The following COA1 variants were observed in gnomAD, a reference collection of about 807,000 sequenced individuals.
COA1 encodes the protein cytochrome c oxidase assembly factor 1.
COA1 carries 13 observed loss-of-function variants against 16.0 expected under a neutral mutation model. The observed-to-expected ratio is 0.81, with a 90% CI of 0.53 to 1.29. The LOEUF (loss-of-function observed/expected upper bound fraction) is 1.29. Ranked by LOEUF, COA1 falls within the 50% of genes most tolerant of loss-of-function variation. COA1 has a pLI of 0.00. For missense variants in COA1, 179 were observed against 177.0 expected (o/e 1.01, Z -0.06); for synonymous variants, 65 against 65.7 (o/e 0.99, Z 0.05).
intron 1 of COA1, among the ~76,000 whole-genome samples, chr7:43,655,805 T>C (rs929103509): frequency 6.6e-6 from 1 of 152,196 alleles, no homozygotes. Context: ...AGAATTGATG[T>C]TGGAACTGTT....
intron 6 of COA1, among the ~76,000 whole-genome samples, chr7:43,614,151 C>T (rs2083130263): frequency 6.6e-6 from 1 of 152,184 alleles, no homozygotes; most frequent in African/African-American, 2.4e-5. Context: ...TTACAATGAT[C>T]TTAGCCGCCA....
At chr7:43,656,668 C>T (rs979832465) in intron 1 of COA1, among the ~76,000 whole-genome samples, 1 of 152,182 alleles carries the variant, frequency 6.6e-6, no homozygotes, top group African/African-American at 2.4e-5. Flanking sequence ...TGCACTCCAG[C>T]ATGGCTACAG....
intron 6 of COA1, among the ~76,000 whole-genome samples, chr7:43,610,434 G>C (rs1368130483): frequency 1.3e-5 from 2 of 150,626 alleles, no homozygotes; most frequent in African/African-American, 4.9e-5. Context: ...GGGAGGCCGA[G>C]CCAGGCAGAT....
intron 1 of COA1, among the ~76,000 whole-genome samples, chr7:43,670,214 C>T (rs756038048): frequency 6.6e-6 from 1 of 152,022 alleles, no homozygotes; most frequent in African/African-American, 2.4e-5. Context: ...TTTGGGAGGC[C>T]GAGGCAGAAG....
rs147938249 is a variant in COA1, at chr7:43,645,341, G to A, written c.174C>T (p.Pro58=). 4.2e-5 allele frequency: 68 copies of A among 1,613,754 alleles called. No homozygotes were observed. Among genetic ancestry groups the A allele is most frequent in the Middle Eastern group, 1.6e-4 (1 of 6,084 alleles). ...KLAVEQLQSH[P]EAQEALGPPL... is the part of the protein sequence containing the mutation. Reference sequence around the variant, plus strand: ...GAGGGCCCAGAGCTTCCTGTGCCTCGGGATGGCTCTGCAGCTGCTCCACTG... The same window carrying A: ...GAGGGCCCAGAGCTTCCTGTGCCTCAGGATGGCTCTGCAGCTGCTCCACTG... Residue 58 remains proline, a synonymous_variant, in exon 4 of 6, where the codon CCC becomes CCT. Transcript: ENST00000223336.
At chr7:43,664,103 A>AAGAGAGAGAGAGAGAG (rs141990456) in intron 1 of COA1, among the ~76,000 whole-genome samples, 2,711 of 135,144 alleles carry the variant, frequency 0.02, 75 homozygotes, top group African/African-American at 0.038. Context: ...TGTCTTTAGA[A>AAGAGAGAGAGAGAGAG]AGAGAGAGAG....
chr7:43,707,520 C>A (rs1274632534), intron 1 of COA1, among the ~76,000 whole-genome samples: 5 of 152,134 alleles, frequency 3.3e-5, no homozygotes, highest in Non-Finnish European at 7.4e-5. Context: ...TCTTTCCAAT[C>A]ATTAACCCCT....
chr7:43,668,198 G>A (rs778012850), intron 1 of COA1, among the ~76,000 whole-genome samples: 4 of 152,148 alleles, frequency 2.6e-5, no homozygotes, highest in Admixed American at 1.3e-4. Context: ...TTAACCTGTC[G>A]TCAGTAAAGA....
At chr7:43,691,377 GAGGAAGGAAGGA>G (rs1196489846) in intron 1 of COA1, among the ~76,000 whole-genome samples, 1,816 of 30,640 alleles carry the variant, frequency 0.059, 48 homozygotes, top group East Asian at 0.14. Flanking sequence ...GGGAGGGAGG[GAGGAAGGAAGGA>G]AGGAAGGAAG....
At position 43,657,381 on chromosome 7, in the gene COA1, C is replaced by A. The variant is rs1032212483; in HGVS notation, c.-38-8729G>T. On this transcript the variant is annotated intron_variant, in intron 1 of 5. Transcript: ENST00000223336. ...ACTACTGCAAGTGGCTAACCATTATCCCTAATTTTGAAAATTATGGTAAAA... is the reference window on the plus strand; with the variant it reads ...ACTACTGCAAGTGGCTAACCATTATACCTAATTTTGAAAATTATGGTAAAA... The A allele has an allele frequency of 1.7e-4, 26 of 152,312 alleles. No homozygotes were observed. The East Asian group carries it at 4.0e-3, about 24-fold the overall frequency. 9.4% of individuals were successfully genotyped at this position (152,312 alleles called of 1,614,324 possible). A position where few individuals can be genotyped will look rare whatever the true frequency, so the allele number is the denominator to read the frequency against.
At chr7:43,611,556 G>C (rs10231343) in intron 6 of COA1, among the ~76,000 whole-genome samples, 25,162 of 152,012 alleles carry the variant, frequency 0.17, 2,411 homozygotes, top group Non-Finnish European at 0.21. Context: ...CCCCTTCAGT[G>C]TGTCATATGC....
intron 1 of COA1, among the ~76,000 whole-genome samples, chr7:43,724,604 T>C (rs955379774): frequency 6.6e-6 from 1 of 151,184 alleles, no homozygotes; most frequent in Non-Finnish European, 1.5e-5. Context: ...TGTATACCAA[T>C]GTTCACAGCA....
chr7:43,701,847 A>AT (rs1345554467), intron 1 of COA1, among the ~76,000 whole-genome samples: 3 of 151,816 alleles, frequency 2.0e-5, no homozygotes, highest in African/African-American at 7.3e-5. Flanking sequence ...GATAGTGAGC[A>AT]TTTTTTCATG....
intron 1 of COA1, among the ~76,000 whole-genome samples, chr7:43,679,048 G>A (rs989958036): frequency 3.9e-5 from 6 of 152,124 alleles, no homozygotes; most frequent in Non-Finnish European, 7.3e-5. Context: ...GAAGGCCAAG[G>A]CGGGTTGATT....
downstream of COA1, among the ~76,000 whole-genome samples, chr7:43,636,913 T>C (rs2085970885): frequency 6.6e-6 from 1 of 152,220 alleles, no homozygotes; most frequent in Non-Finnish European, 1.5e-5. Flanking sequence ...GTATGCAAAA[T>C]GTCAACAGTG....
intron 1 of COA1, among the ~76,000 whole-genome samples, chr7:43,703,489 T>C (rs1167658613): frequency 6.6e-6 from 1 of 152,298 alleles, no homozygotes; most frequent in South Asian, 2.1e-4. Flanking sequence ...TCTCTAAGAA[T>C]TTGTTTTATG....
intron 1 of COA1, among the ~76,000 whole-genome samples, chr7:43,656,630 G>C (rs1003062601): frequency 3.3e-5 from 5 of 152,206 alleles, no homozygotes; most frequent in Admixed American, 3.3e-4. Context: ...AAGAGGCAGA[G>C]GTTTGCAGTG....
chr7:43,696,565 C>T (rs534298336), intron 1 of COA1, among the ~76,000 whole-genome samples: 67 of 152,138 alleles, frequency 4.4e-4, no homozygotes, highest in Non-Finnish European at 8.1e-4. Context: ...CAAATATCAA[C>T]ATGACTGTAG....
chr7:43,667,382 C>A (rs901080936), intron 1 of COA1, among the ~76,000 whole-genome samples: 2 of 152,098 alleles, frequency 1.3e-5, no homozygotes, highest in Non-Finnish European at 2.9e-5. Context: ...TATTTCCAAT[C>A]TTCTTTAAGT....
Sources: gnomAD v4.1 joint callset for allele counts (sites outside exome capture counted in the v4.1 genomes callset) on GRCh38, gnomAD v4.1.1 for gene constraint, MANE v1.5 for transcripts, NCBI Gene and HGNC (gene_info 2026-07-23, HGNC 2026-07-21) for gene names.